The following TMEM263 variants were observed in gnomAD, a reference collection of about 807,000 sequenced individuals.
The protein encoded by TMEM263 is transmembrane protein 263, also known as UPF0444 transmembrane protein C12orf23.
A neutral mutation model predicts 8.6 loss-of-function variants in TMEM263; 5 were observed. That is an observed-to-expected ratio of 0.58 (90% CI 0.31 to 1.23). The LOEUF is 1.23. Among genes scored for constraint, TMEM263 ranks in the 50% most tolerant of loss-of-function variants. The pLI is 0.07. For synonymous variants in TMEM263, 50 were observed against 47.9 expected, an observed-to-expected ratio of 1.04 and a Z score of -0.18; for missense variants, 104 against 138.8, an observed-to-expected ratio of 0.75 and a Z score of 1.26.
At chr12:106,956,678 C>G (rs938255888) in intron 1 of TMEM263, 1 of 152,418 alleles carries the variant, frequency 6.6e-6, no homozygotes, top group Non-Finnish European at 1.5e-5. Context: ...ACTGCCTGCT[C>G]TGCACACGCA....
intron 2 of TMEM263, among the ~76,000 whole-genome samples, chr12:106,958,144 C>G (rs1951725336): frequency 6.6e-6 from 1 of 152,106 alleles, no homozygotes; most frequent in South Asian, 2.1e-4. Flanking sequence ...AAATTGGCAC[C>G]TACTGTTGAA....
At chr12:106,960,335 C>G (rs1277673639) in intron 2 of TMEM263, among the ~76,000 whole-genome samples, 1 of 151,154 alleles carries the variant, frequency 6.6e-6, no homozygotes, top group Non-Finnish European at 1.5e-5. Context: ...ATGTCCGGCC[C>G]TTGTTTTTTT....
At position 106,955,938 on chromosome 12, in the gene TMEM263, G is replaced by T. The variant is rs987233310; in HGVS notation, c.-202G>T. ...TTCCAGCTCCACATCCTGAGAGGAC[G>T]CCTCTGGAGCCGCGACTGCCCGGGG... is the stretch of plus-strand genomic sequence containing the variant. On this transcript the variant is annotated 5_prime_UTR_variant, in exon 1 of 4. Transcript: ENST00000280756. 2.0e-6 allele frequency: 2 copies of T among 985,774 alleles called. No homozygotes were observed. Among genetic ancestry groups the T allele is most frequent in the Non-Finnish European group, 2.4e-6 (2 of 830,250 alleles). 61.1% of individuals were successfully genotyped at this position (985,774 alleles called of 1,614,324 possible). A position where few individuals can be genotyped will look rare whatever the true frequency, so the allele number is the denominator to read the frequency against.
At chr12:106,961,035 C>CGTCCTGTCCT (rs11276890) in intron 2 of TMEM263, among the ~76,000 whole-genome samples, 1 of 151,346 alleles carries the variant, frequency 6.6e-6, no homozygotes, top group East Asian at 1.9e-4. Context: ...CTCTTCTCTT[C>CGTCCTGTCCT]GTCCTGTCCT....
Position 106,973,551 on chromosome 12 carries a change from A to G in TMEM263, c.*2160A>G, listed in dbSNP as rs1392713281. The G allele has an allele frequency of 2.0e-5, 3 of 152,574 alleles. No homozygotes were observed. The highest frequency in any genetic ancestry group is 7.2e-5 in the African/African-American group (3 of 41,454). 9.5% of individuals were successfully genotyped at this position (152,574 alleles called of 1,614,324 possible). On this transcript the variant is annotated 3_prime_UTR_variant, in exon 4 of 4. Coordinates refer to ENST00000280756, the MANE Select transcript of TMEM263 (RefSeq NM_152261.4). ...TCAGGATTGTTTTAAATTCTAAACT[A>G]TAAGTTTGTTCAGAGGGGCTTTTGC...
At chr12:106,966,792 C>T (rs1951853660) in intron 2 of TMEM263, 1 of 239,000 alleles carries the variant, frequency 4.2e-6, no homozygotes, top group African/African-American at 2.3e-5. Flanking sequence ...TAACCCCCAC[C>T]TTCCAGCTCT....
rs1435851967 is a variant in TMEM263 at position 106,971,375 on chromosome 12, A to C, written c.335A>C (p.Lys112Thr). Residue 112 changes from lysine (K) to threonine (T), a missense_variant, in exon 4 of 4, where the codon AAA (lysine) becomes ACA (threonine). Coordinates refer to ENST00000280756, the MANE Select transcript of TMEM263 (RefSeq NM_152261.4). ...AAAGTGCCCTTAACAGGAAAGAAGA[A>C]AGACAAATCTGACTGAAATATAGAG... ...VNKVPLTGKKKDKSD is the reference protein window; with the variant it reads ...VNKVPLTGKKTDKSD The C allele has an allele frequency of 3.1e-6, 5 of 1,607,666 alleles. No individual in the cohort carries two copies. Among genetic ancestry groups the C allele is most frequent in the East Asian group, 2.2e-5 (1 of 44,784 alleles).
At position 106,972,922 on chromosome 12, in the gene TMEM263, A is replaced by C. The variant is rs1261076838; in HGVS notation, c.*1531A>C. The C allele has an allele frequency of 1.3e-5, 2 of 150,294 alleles. No homozygotes were observed. The highest frequency in any genetic ancestry group is 1.9e-4 in the East Asian group (1 of 5,144). 9.3% of individuals were successfully genotyped at this position (150,294 alleles called of 1,614,324 possible). A position where few individuals can be genotyped will look rare whatever the true frequency, so the allele number is the denominator to read the frequency against. On this transcript the variant is annotated 3_prime_UTR_variant, in exon 4 of 4. Coordinates refer to ENST00000280756, the MANE Select transcript of TMEM263 (RefSeq NM_152261.4). ...AGGGGGGTGATACCTTGCAGTAAGT[A>C]AGTCGAAATAGCATGCCTGAAAATT...
At chr12:106,966,043 A>G (rs1440063224) in intron 2 of TMEM263, among the ~76,000 whole-genome samples, 2 of 152,080 alleles carry the variant, frequency 1.3e-5, no homozygotes, top group African/African-American at 4.8e-5. Context: ...CGTGGGTAAA[A>G]TCGTGTGTTG....
chr12:106,973,992 A>C lies in TMEM263; in HGVS notation c.*2601A>C, dbSNP rs904288308. 6.6e-6 allele frequency: 1 copy of C among 152,522 alleles called. No homozygotes were observed. Among genetic ancestry groups the C allele is most frequent in the East Asian group, 1.9e-4 (1 of 5,186 alleles). The allele number at this position is 152,522 out of a possible 1,614,324, so 9.4% of individuals were successfully genotyped here. A position where few individuals can be genotyped will look rare whatever the true frequency, so the allele number is the denominator to read the frequency against. On this transcript the variant is annotated 3_prime_UTR_variant, in exon 4 of 4. Coordinates refer to ENST00000280756, the MANE Select transcript of TMEM263 (RefSeq NM_152261.4). ...AGCACTATGATCTGCAAACGATGGA[A>C]TGTTTCATAAAGATCTAAAGAAATA...
rs955264151 is a variant in TMEM263 at position 106,968,044 on chromosome 12, C to T, written c.64+864C>T. ...GAAACACACCTGAATGTCCTGAGTA[C>T]ATACAGAAAATGACTAGAGGCATGT... On this transcript the variant is annotated intron_variant, in intron 3 of 3. Transcript: ENST00000280756. 4.6e-5 allele frequency among the ~76,000 whole-genome samples: 7 copies of T among 152,124 alleles called. No individual in the cohort carries two copies. The East Asian group carries it at 1.3e-3, about 29-fold the overall frequency.
At chr12:106,957,373 A>G (rs1451541734) in intron 2 of TMEM263, among the ~76,000 whole-genome samples, 2 of 152,144 alleles carry the variant, frequency 1.3e-5, no homozygotes, top group African/African-American at 2.4e-5. Context: ...AAATTTGTCC[A>G]TTTATAGAAA....
chr12:106,969,332 C>T (rs1184045577), intron 3 of TMEM263, among the ~76,000 whole-genome samples: 1 of 152,044 alleles, frequency 6.6e-6, no homozygotes, highest in Non-Finnish European at 1.5e-5. Flanking sequence ...AGTAATTTAC[C>T]CCTCTTTTTC....
At chr12:106,966,391 G>C (rs998701502) in intron 2 of TMEM263, among the ~76,000 whole-genome samples, 1 of 152,200 alleles carries the variant, frequency 6.6e-6, no homozygotes, top group East Asian at 1.9e-4. Flanking sequence ...GTCCACTGTT[G>C]ATGGGCATCT....
intron 3 of TMEM263, chr12:106,967,415 C>A: frequency 2.9e-6 from 1 of 342,470 alleles, no homozygotes; most frequent in Non-Finnish European, 5.2e-6. Context: ...CCTGCCACCA[C>A]ACCTGGCTAA....
At chr12:106,965,605 CAAAA>C (rs199982435) in intron 2 of TMEM263, among the ~76,000 whole-genome samples, 4 of 115,722 alleles carry the variant, frequency 3.5e-5, no homozygotes, top group Non-Finnish European at 1.9e-5. Flanking sequence ...GACTCTGTCT[CAAAA>C]AAAAAAAAAA....
At position 106,972,957 on chromosome 12, in the gene TMEM263, C is replaced by G. The variant is rs1218539080; in HGVS notation, c.*1566C>G. On this transcript the variant is annotated 3_prime_UTR_variant, in exon 4 of 4. Coordinates refer to ENST00000280756, the MANE Select transcript of TMEM263 (RefSeq NM_152261.4). ...AGCATGCCTGAAAATTTGAAACAGA[C>G]CATTCTAACACCCAAGGCTTGTTTA... 1.3e-5 allele frequency: 2 copies of G among 150,316 alleles called. No individual in the cohort carries two copies. Among genetic ancestry groups the G allele is most frequent in the African/African-American group, 2.5e-5 (1 of 40,768 alleles). The allele number at this position is 150,316 out of a possible 1,614,324, so 9.3% of individuals were successfully genotyped here. A position where few individuals can be genotyped will look rare whatever the true frequency, so the allele number is the denominator to read the frequency against.
Position 106,971,510 on chromosome 12 carries a change from A to G in TMEM263, c.*119A>G. The G allele has an allele frequency of 9.6e-7, 1 of 1,044,520 alleles. No individual in the cohort carries two copies. The allele number at this position is 1,044,520 out of a possible 1,614,324, so 64.7% of individuals were successfully genotyped here. A position where few individuals can be genotyped will look rare whatever the true frequency, so the allele number is the denominator to read the frequency against. ...GTTTATCTTCTAAACTGCTGTGTTG[A>G]AAGTATTGATGACTGGCTTTCATCT... On this transcript the variant is annotated 3_prime_UTR_variant, in exon 4 of 4. Transcript: ENST00000280756.
intron 2 of TMEM263, 25 bp downstream of exon 2, chr12:106,957,174 G>A (rs1951708300): frequency 5.4e-6 from 1 of 184,088 alleles, no homozygotes; most frequent in South Asian, 4.6e-4. Flanking sequence ...CCGTGTGTGT[G>A]TGTGTGTGTG....
Sources: allele counts gnomAD v4.1 joint callset (sites outside exome capture counted in the v4.1 genomes callset), GRCh38; gene constraint gnomAD v4.1.1; transcripts MANE v1.5; gene names NCBI Gene and HGNC (gene_info 2026-07-23, HGNC 2026-07-21).